RBFOX1: variants seen among roughly 807,000 people sequenced by gnomAD.
RBFOX1 encodes the protein RNA binding fox-1 homolog 1, also known as RNA binding protein fox-1 homolog 1.
In RBFOX1, 8 loss-of-function variants were observed where a neutral mutation model predicts 57.7. The observed-to-expected ratio is 0.14, with a 90% CI of 0.08 to 0.25. The LOEUF is 0.25. RBFOX1 is among the 10% of genes least tolerant of loss of function. The pLI is 1.00. For synonymous variants in RBFOX1, 326 were observed against 222.4 expected (o/e 1.47, Z -4.15); for missense variants, 611 against 548.5 (o/e 1.11, Z -1.14).
intron 4 of RBFOX1, among the ~76,000 whole-genome samples, chr16:7,326,647 G>T (rs2096615391): frequency 6.6e-6 from 1 of 151,092 alleles, no homozygotes; most frequent in Non-Finnish European, 1.5e-5. Flanking sequence ...TTATGAGAGG[G>T]TACAGGTGTT....
At chr16:5,583,392 TC>T (rs1296758142) in intron 2 of RBFOX1, among the ~76,000 whole-genome samples, 3 of 152,210 alleles carry the variant, frequency 2.0e-5, no homozygotes. Context: ...CGGCCATACT[TC>T]AACCACTTGT....
chr16:6,391,248 G>T (rs1258002089), intron 2 of RBFOX1, among the ~76,000 whole-genome samples: 2 of 152,136 alleles, frequency 1.3e-5, no homozygotes, highest in African/African-American at 4.8e-5. Flanking sequence ...GGTGGCTCAC[G>T]CCTGTAATCC....
chr16:6,386,854 G>A (rs2092317920), intron 2 of RBFOX1, among the ~76,000 whole-genome samples: 1 of 152,294 alleles, frequency 6.6e-6, no homozygotes, highest in East Asian at 1.9e-4. Flanking sequence ...TGGGAGGAAG[G>A]GAAGTATGGG....
chr16:6,254,805 T>G (rs984479496), intron 1 of RBFOX1, among the ~76,000 whole-genome samples: 3 of 152,144 alleles, frequency 2.0e-5, no homozygotes, highest in East Asian at 3.9e-4. Flanking sequence ...GAAATTCAAT[T>G]CATTATTTTT....
At chr16:5,282,391 G>T (rs1259756916) in intron 1 of RBFOX1, among the ~76,000 whole-genome samples, 1 of 152,208 alleles carries the variant, frequency 6.6e-6, no homozygotes, top group East Asian at 1.9e-4. Flanking sequence ...CTGAATACGT[G>T]GAAGTGACTT....
chr16:5,403,341 C>T (rs1261029373), intron 1 of RBFOX1, among the ~76,000 whole-genome samples: 6 of 135,330 alleles, frequency 4.4e-5, no homozygotes, highest in African/African-American at 1.4e-4. Flanking sequence ...CAGACTGAAA[C>T]GCTGTCTCAA....
At chr16:5,489,323 T>C (rs1039392685) in intron 2 of RBFOX1, among the ~76,000 whole-genome samples, 3 of 152,330 alleles carry the variant, frequency 2.0e-5, no homozygotes, top group African/African-American at 2.4e-5. Flanking sequence ...GGAAGGAGGA[T>C]AAAGGGCAAA....
intron 2 of RBFOX1, among the ~76,000 whole-genome samples, chr16:5,475,240 C>G (rs1318445397): frequency 6.6e-6 from 1 of 152,168 alleles, no homozygotes; most frequent in African/African-American, 2.4e-5. Flanking sequence ...CATTTGTTTT[C>G]TCTGTTCTTT....
Position 6,976,703 on chromosome 16 carries a change from CAT to C in RBFOX1, c.-15-75350_-15-75349del, listed in dbSNP as rs538272705. 3.0e-3 allele frequency among the ~76,000 whole-genome samples: 438 copies of C among 147,754 alleles called. 3 individuals carry two copies. The highest frequency in any genetic ancestry group is 1.6e-3 in the Non-Finnish European group (110 of 67,218). On this transcript the variant is annotated intron_variant, in intron 3 of 15. Coordinates refer to ENST00000550418, the MANE Select transcript of RBFOX1 (RefSeq NM_018723.4). ...TATATCATACCTATAGCATACATAT[CAT>C]ATAGCATACATATCATATATATCAT...
At chr16:6,838,883 G>A (rs1427488712) in intron 3 of RBFOX1, among the ~76,000 whole-genome samples, 6 of 151,028 alleles carry the variant, frequency 4.0e-5, no homozygotes, top group African/African-American at 1.5e-4. Flanking sequence ...CTCACCCACA[G>A]AAAAAGGATT....
At chr16:5,256,841 C>T (rs2062601851) in intron 1 of RBFOX1, among the ~76,000 whole-genome samples, 1 of 150,926 alleles carries the variant, frequency 6.6e-6, no homozygotes, top group African/African-American at 2.4e-5. Context: ...GGCTGAGGCA[C>T]AAGAATCATT....
At chr16:7,550,987 A>T (rs372244024) in intron 5 of RBFOX1, among the ~76,000 whole-genome samples, 4 of 150,334 alleles carry the variant, frequency 2.7e-5, no homozygotes, top group African/African-American at 7.3e-5. Context: ...CCAGCTACTC[A>T]GGAGGCTGAG....
intron 1 of RBFOX1, among the ~76,000 whole-genome samples, chr16:6,152,281 T>C (rs2096802849): frequency 6.6e-6 from 1 of 152,242 alleles, no homozygotes; most frequent in Non-Finnish European, 1.5e-5. Flanking sequence ...TAGTTCTTTC[T>C]GTCTCTGTAT....
At chr16:7,152,049 C>T (rs1011376464) in intron 4 of RBFOX1, among the ~76,000 whole-genome samples, 1 of 152,154 alleles carries the variant, frequency 6.6e-6, no homozygotes, top group Non-Finnish European at 1.5e-5. Flanking sequence ...GACCCCTGCT[C>T]TAGAGTATAT....
chr16:5,730,802 C>A (rs932236460), intron 3 of RBFOX1, among the ~76,000 whole-genome samples: 13 of 152,120 alleles, frequency 8.5e-5, no homozygotes, highest in African/African-American at 3.1e-4. Context: ...CCATTACCAC[C>A]AACATCAACA....
chr16:6,997,739 G>A (rs2092390955), intron 3 of RBFOX1, among the ~76,000 whole-genome samples: 2 of 152,096 alleles, frequency 1.3e-5, no homozygotes, highest in African/African-American at 4.8e-5. Context: ...GAACTTAATT[G>A]AATATTAACT....
intron 4 of RBFOX1, among the ~76,000 whole-genome samples, chr16:6,012,676 A>G (rs1253182198): frequency 6.6e-6 from 1 of 152,196 alleles, no homozygotes; most frequent in East Asian, 1.9e-4. Context: ...GCAGTATGGT[A>G]GTTTTGGAAG....
chr16:6,495,994 T>A (rs928046919), intron 2 of RBFOX1, among the ~76,000 whole-genome samples: 2 of 152,228 alleles, frequency 1.3e-5, no homozygotes, highest in Non-Finnish European at 2.9e-5. Context: ...TTTATATGCG[T>A]CAGTGTAAAG....
At chr16:5,833,691 G>A (rs994604312) in intron 3 of RBFOX1, among the ~76,000 whole-genome samples, 1 of 152,058 alleles carries the variant, frequency 6.6e-6, no homozygotes, top group Admixed American at 6.5e-5. Context: ...GTGTGCATTG[G>A]TCCTTGAAAT....
Sources: gnomAD v4.1 joint callset for allele counts (sites outside exome capture counted in the v4.1 genomes callset) on GRCh38, gnomAD v4.1.1 for gene constraint, MANE v1.5 for transcripts, NCBI Gene and HGNC (gene_info 2026-07-23, HGNC 2026-07-21) for gene names.